The following SV2B variants were observed in gnomAD, a reference collection of about 807,000 sequenced individuals.
SV2B encodes solute carrier family 22 member B2.
In SV2B, 41 loss-of-function variants were observed where a neutral mutation model predicts 73.9. The ratio of observed to expected loss-of-function variants is 0.56; its 90% CI spans 0.43 to 0.72. The LOEUF is 0.72. Among genes scored for constraint, SV2B ranks in the 30% least tolerant of loss-of-function variants. SV2B has a pLI of 0.00. For synonymous variants in SV2B, 314 were observed against 314.2 expected (o/e 1.00, Z 0.01); for missense variants, 764 against 857.8 (o/e 0.89, Z 1.37).
intron 9 of SV2B, among the ~76,000 whole-genome samples, chr15:91,272,056 C>T (rs2048334678): frequency 6.6e-6 from 1 of 152,184 alleles, no homozygotes; most frequent in South Asian, 2.1e-4. Context: ...AAACCAATCT[C>T]TTTGCCCCCA....
intron 4 of SV2B, among the ~76,000 whole-genome samples, chr15:91,257,022 A>G (rs2047720956): frequency 6.6e-6 from 1 of 152,352 alleles, no homozygotes; most frequent in South Asian, 2.1e-4. Flanking sequence ...TGATATATTT[A>G]TTTACATAGT....
intron 1 of SV2B, among the ~76,000 whole-genome samples, chr15:91,202,686 G>A (rs1335531680): frequency 6.6e-6 from 1 of 152,210 alleles, no homozygotes; most frequent in South Asian, 2.1e-4. Context: ...ACCTGTGTGT[G>A]GGGGTGGGGT....
chr15:91,206,905 A>G (rs2045661944), intron 1 of SV2B, among the ~76,000 whole-genome samples: 1 of 152,174 alleles, frequency 6.6e-6, no homozygotes, highest in South Asian at 2.1e-4. Context: ...CATCATCCCA[A>G]ATAGAAAAGC....
chr15:91,259,064 C>T (rs1005688348), intron 5 of SV2B, among the ~76,000 whole-genome samples: 1 of 151,626 alleles, frequency 6.6e-6, no homozygotes, highest in Non-Finnish European at 1.5e-5. Context: ...TCACTGCACT[C>T]CAGTCTGGGT....
At chr15:91,153,351 C>T (rs1016004519) in intron 1 of SV2B, among the ~76,000 whole-genome samples, 6 of 152,214 alleles carry the variant, frequency 3.9e-5, no homozygotes, top group South Asian at 4.2e-4. Flanking sequence ...GTGTGTCCCA[C>T]CCTTGGGAAA....
At chr15:91,264,802 G>A (rs561915968) in intron 6 of SV2B, among the ~76,000 whole-genome samples, 35 of 152,232 alleles carry the variant, frequency 2.3e-4, no homozygotes, top group Admixed American at 1.9e-3. Flanking sequence ...GGAAGGATGT[G>A]CAGGCAGAAA....
chr15:91,223,814 TAGTA>T lies in SV2B; in HGVS notation c.-391-2054_-391-2051del, dbSNP rs1355088599. Among the ~76,000 whole-genome samples the T allele has an allele frequency of 2.0e-5, 3 of 152,250 alleles. No homozygotes were observed. The highest frequency in any genetic ancestry group is 1.3e-4 in the Admixed American group (2 of 15,290). The stretch of plus-strand genomic sequence containing the variant: ...AAAGAGTAGAGTGCGAATCATTTCT[TAGTA>T]AGTATTTCTTGCTGGCTTCTTTGGC... On this transcript the variant is annotated intron_variant, in intron 1 of 12. Coordinates refer to ENST00000394232, the MANE Select transcript of SV2B (RefSeq NM_001323032.3). The surrounding 1 kb of genome is among the most constrained non-coding windows in gnomAD (Gnocchi z 4.6).
At position 91,229,216 on chromosome 15, in the gene SV2B, T is replaced by G. The variant is rs778902863; in HGVS notation, c.451+2502T>G. On this transcript the variant is annotated intron_variant, in intron 2 of 12. Transcript: ENST00000394232. This position sits in a 1 kb window ranked among gnomAD's most constrained non-coding sequence, Gnocchi z 4.3. ...GGTATGCTGATAATGATGTGGGCAC[T>G]GGAGTCCAACCTCTAGGGTTTGGCG... Among the ~76,000 whole-genome samples the G allele has an allele frequency of 1.3e-5, 2 of 152,088 alleles. No individual in the cohort carries two copies. Among genetic ancestry groups the G allele is most frequent in the Non-Finnish European group, 2.9e-5 (2 of 68,010 alleles).
intron 1 of SV2B, among the ~76,000 whole-genome samples, chr15:91,163,919 C>A (rs2043817383): frequency 6.6e-6 from 1 of 152,124 alleles, no homozygotes. Flanking sequence ...AGTCTTTAAT[C>A]CATCTTGAAT....
intron 1 of SV2B, among the ~76,000 whole-genome samples, chr15:91,199,673 G>A (rs1341583057): frequency 6.6e-6 from 1 of 152,230 alleles, no homozygotes; most frequent in Admixed American, 6.5e-5. Flanking sequence ...AGCTGAGAGG[G>A]ACCATCAGGA....
intron 1 of SV2B, among the ~76,000 whole-genome samples, chr15:91,188,480 A>T (rs998664152): frequency 1.3e-5 from 2 of 151,106 alleles, no homozygotes; most frequent in African/African-American, 2.4e-5. Context: ...CGCCTGGCTA[A>T]TTTTTTTTGT....
chr15:91,198,578 A>G (rs1163349179), intron 1 of SV2B, among the ~76,000 whole-genome samples: 1 of 152,186 alleles, frequency 6.6e-6, no homozygotes, highest in African/African-American at 2.4e-5. Flanking sequence ...CAGAAACCTA[A>G]AAGCATATTT....
At chr15:91,210,013 A>G (rs78933845) in intron 1 of SV2B, among the ~76,000 whole-genome samples, 7,147 of 151,932 alleles carry the variant, frequency 0.047, 450 homozygotes, top group African/African-American at 0.14. Flanking sequence ...ATGGAGGGGG[A>G]CTAATTATAG....
chr15:91,145,873 T>C (rs959791244), intron 1 of SV2B, among the ~76,000 whole-genome samples: 2 of 152,250 alleles, frequency 1.3e-5, no homozygotes, highest in African/African-American at 4.8e-5. Context: ...TTATAGATGC[T>C]GGATATTAGA....
intron 1 of SV2B, among the ~76,000 whole-genome samples, chr15:91,174,322 T>C (rs559749411): frequency 2.0e-5 from 3 of 152,348 alleles, no homozygotes; most frequent in East Asian, 1.9e-4. Flanking sequence ...TTGTGCTTCA[T>C]TGGGGTTGGT....
intron 2 of SV2B, among the ~76,000 whole-genome samples, chr15:91,238,435 A>G (rs974575450): frequency 6.6e-6 from 1 of 152,224 alleles, no homozygotes; most frequent in Non-Finnish European, 1.5e-5. Context: ...AAATCCAGTT[A>G]TATCTGACTT....
At chr15:91,238,033 G>T (rs998071015) in intron 2 of SV2B, among the ~76,000 whole-genome samples, 17 of 152,176 alleles carry the variant, frequency 1.1e-4, no homozygotes, top group Admixed American at 5.9e-4. Flanking sequence ...TTCCTGTCCT[G>T]TGTTGCCACT....
rs1026895664 is a variant in SV2B, at chr15:91,265,226, G to A, written c.1009-1356G>A. Among the ~76,000 whole-genome samples, 3 of 152,174 alleles carry A rather than the reference G, an allele frequency of 2.0e-5. No homozygotes were observed. Among genetic ancestry groups the A allele is most frequent in the Non-Finnish European group, 4.4e-5 (3 of 68,032 alleles). On this transcript the variant is annotated intron_variant, in intron 6 of 12. Transcript: ENST00000394232. This position sits in a 1 kb window ranked among gnomAD's most constrained non-coding sequence, Gnocchi z 4.2. ...CACACTCTTAGTTGATGCCCATGCC[G>A]TGAGCTCTAGGTTTTACCAGCCCTG...
intron 9 of SV2B, among the ~76,000 whole-genome samples, chr15:91,269,108 GAAA>G (rs200005312): frequency 1.4e-5 from 2 of 144,300 alleles, no homozygotes; most frequent in Non-Finnish European, 3.1e-5. Context: ...TTTTTTAGAG[GAAA>G]AAAAAAAAAT....
Sources: allele counts gnomAD v4.1 joint callset (sites outside exome capture counted in the v4.1 genomes callset), GRCh38; gene constraint gnomAD v4.1.1; non-coding constraint Gnocchi (gnomAD v3.1); transcripts MANE v1.5; gene names NCBI Gene and HGNC (gene_info 2026-07-23, HGNC 2026-07-21).